The following SLC17A5 variants were observed in gnomAD, a reference collection of about 807,000 sequenced individuals.
SLC17A5 encodes the protein sialin.
SLC17A5 carries 47 observed loss-of-function variants against 59.4 expected under a neutral mutation model. That is an observed-to-expected ratio of 0.79 (90% CI 0.63 to 1.01). The LOEUF is 1.01. Among genes scored for constraint, SLC17A5 ranks in the 50% least tolerant of loss-of-function variants. The pLI is 0.00. For missense variants in SLC17A5, 522 were observed against 595.5 expected (o/e 0.88, Z 1.28); for synonymous variants, 202 against 210.7 (o/e 0.96, Z 0.36).
At chr6:73,645,123 T>A (rs1253519325) in intron 1 of SLC17A5, among the ~76,000 whole-genome samples, 2 of 152,200 alleles carry the variant, frequency 1.3e-5, no homozygotes, top group Non-Finnish European at 2.9e-5. Flanking sequence ...GCATTACTAT[T>A]TCTGAAAAAC....
chr6:73,630,044 G>A (rs1244211786), intron 6 of SLC17A5, among the ~76,000 whole-genome samples: 1 of 151,386 alleles, frequency 6.6e-6, no homozygotes, highest in African/African-American at 2.4e-5. Flanking sequence ...CCAGGCTGGA[G>A]TGCAGTGGTA....
chr6:73,604,607 G>T (rs1767309983), intron 9 of SLC17A5, among the ~76,000 whole-genome samples: 1 of 152,052 alleles, frequency 6.6e-6, no homozygotes, highest in Non-Finnish European at 1.5e-5. Flanking sequence ...CACAAAATTA[G>T]CTGGGTGTGT....
At chr6:73,629,840 A>C (rs2150107577) in intron 6 of SLC17A5, among the ~76,000 whole-genome samples, 1 of 152,268 alleles carries the variant, frequency 6.6e-6, no homozygotes, top group East Asian at 1.9e-4. Flanking sequence ...TATAGGAAAG[A>C]ACACTTCAAT....
chr6:73,653,982 G>T lies in SLC17A5; in HGVS notation c.-96C>A. On this transcript the variant is annotated 5_prime_UTR_variant, in exon 1 of 11. Transcript: ENST00000355773. ...CCGGGCCGAGCTGGCTGGACCGGGC[G>T]GGGCGGGGGCGATGACACCGCCCCG... 1.8e-6 allele frequency: 2 copies of T among 1,142,696 alleles called. No individual in the cohort carries two copies. The highest frequency in any genetic ancestry group is 1.3e-5 in the South Asian group (1 of 74,290). The allele number at this position is 1,142,696 out of a possible 1,614,324, so 70.8% of individuals were successfully genotyped here. A position where few individuals can be genotyped will look rare whatever the true frequency, so the allele number is the denominator to read the frequency against.
chr6:73,602,261 AC>A (rs1767167159), intron 9 of SLC17A5, among the ~76,000 whole-genome samples: 1 of 148,168 alleles, frequency 6.7e-6, no homozygotes, highest in South Asian at 2.2e-4. Flanking sequence ...AAGAATCATC[AC>A]CACTCCCTAA....
chr6:73,596,582 C>T (rs868850647), intron 10 of SLC17A5, among the ~76,000 whole-genome samples: 4 of 152,138 alleles, frequency 2.6e-5, no homozygotes, highest in East Asian at 1.9e-4. Context: ...CACGGCCGGG[C>T]GTGGTGGATC....
intron 6 of SLC17A5, among the ~76,000 whole-genome samples, chr6:73,630,558 G>A (rs1386042483): frequency 6.6e-6 from 1 of 152,110 alleles, no homozygotes; most frequent in Non-Finnish European, 1.5e-5. Flanking sequence ...GCATCCCAGT[G>A]CCTAAAGGAT....
chr6:73,639,989 T>G (rs1304801937), intron 3 of SLC17A5, among the ~76,000 whole-genome samples: 1 of 152,134 alleles, frequency 6.6e-6, no homozygotes. Context: ...GAGGTTGCAG[T>G]GAGCCGAGAT....
chr6:73,609,180 A>G (rs1767530980), intron 9 of SLC17A5, among the ~76,000 whole-genome samples: 1 of 152,210 alleles, frequency 6.6e-6, no homozygotes, highest in Non-Finnish European at 1.5e-5. Flanking sequence ...AATAAAGTGT[A>G]TTAAAACTTT....
intron 6 of SLC17A5, among the ~76,000 whole-genome samples, chr6:73,632,434 CTTTTTTTT>C (rs1163170650): frequency 0.05 from 4,323 of 86,690 alleles, 326 homozygotes; most frequent in African/African-American, 0.17. Context: ...GTAGAGAAAG[CTTTTTTTT>C]TTTTTTTTTT....
At chr6:73,640,082 A>ATT (rs1235838519) in intron 3 of SLC17A5, among the ~76,000 whole-genome samples, 7 of 152,162 alleles carry the variant, frequency 4.6e-5, no homozygotes, top group Non-Finnish European at 7.4e-5. Context: ...AATAAATAAA[A>ATT]TGTCACCTGA....
intron 1 of SLC17A5, among the ~76,000 whole-genome samples, chr6:73,650,526 A>G (rs796199958): frequency 1.7e-4 from 26 of 150,130 alleles, no homozygotes; most frequent in African/African-American, 3.9e-4. Flanking sequence ...AAAAAAAAAA[A>G]AAAAAGAAAA....
intron 9 of SLC17A5, among the ~76,000 whole-genome samples, chr6:73,609,696 A>G (rs531168577): frequency 2.0e-5 from 3 of 152,334 alleles, no homozygotes; most frequent in East Asian, 1.9e-4. Context: ...AGTTATTGCA[A>G]TGTTCTAATG....
At chr6:73,634,212 C>A (rs1439394813) in intron 6 of SLC17A5, among the ~76,000 whole-genome samples, 1 of 152,072 alleles carries the variant, frequency 6.6e-6, no homozygotes, top group African/African-American at 2.4e-5. Context: ...TCTAGAAGAG[C>A]AAACAGATGT....
intron 9 of SLC17A5, among the ~76,000 whole-genome samples, chr6:73,602,631 C>G (rs568424174): frequency 1.9e-4 from 29 of 152,068 alleles, no homozygotes; most frequent in African/African-American, 6.0e-4. Flanking sequence ...AAAAATTAGC[C>G]GGCCGTGATG....
chr6:73,629,004 A>G (rs957901535), intron 6 of SLC17A5, among the ~76,000 whole-genome samples: 1 of 152,240 alleles, frequency 6.6e-6, no homozygotes, highest in African/African-American at 2.4e-5. Flanking sequence ...AAATATTCAA[A>G]CCAAGGTCCC....
chr6:73,641,119 G>A (rs954106481), intron 3 of SLC17A5, among the ~76,000 whole-genome samples: 10 of 151,940 alleles, frequency 6.6e-5, no homozygotes, highest in East Asian at 3.9e-4. Flanking sequence ...ACTTGCTGTC[G>A]TCCAGGCTGG....
At chr6:73,623,461 A>G (rs1768248060) in intron 6 of SLC17A5, among the ~76,000 whole-genome samples, 2 of 151,604 alleles carry the variant, frequency 1.3e-5, no homozygotes, top group African/African-American at 2.4e-5. Flanking sequence ...CAGCCCCCCA[A>G]GTAGCTGGGA....
chr6:73,615,825 T>G (rs1030034818), intron 7 of SLC17A5, among the ~76,000 whole-genome samples: 1 of 149,974 alleles, frequency 6.7e-6, no homozygotes, highest in Admixed American at 6.7e-5. Context: ...TTTTTTTTAC[T>G]ATAAAATAAA....
Sources: gnomAD v4.1 joint callset for allele counts (sites outside exome capture counted in the v4.1 genomes callset) on GRCh38, gnomAD v4.1.1 for gene constraint, MANE v1.5 for transcripts, NCBI Gene and HGNC (gene_info 2026-07-23, HGNC 2026-07-21) for gene names.